ADAMTS18: variants seen among roughly 807,000 people sequenced by gnomAD.
ADAMTS18 encodes ADAM metallopeptidase with thrombospondin type 1 motif 18.
Under a neutral mutation model 165.9 loss-of-function variants are expected in ADAMTS18, and 157 were observed. The observed-to-expected ratio is 0.95, with a 90% CI of 0.83 to 1.08. ADAMTS18 has a LOEUF of 1.08. Among genes scored for constraint, ADAMTS18 ranks in the 50% least tolerant of loss-of-function variants. ADAMTS18 has a pLI of 0.00. For missense variants in ADAMTS18, 2,040 were observed against 1,534.0 expected (o/e 1.33, Z -5.51); for synonymous variants, 782 against 578.2 (o/e 1.35, Z -5.06).
intron 10 of ADAMTS18, among the ~76,000 whole-genome samples, chr16:77,343,276 G>A (rs568818487): frequency 7.8e-4 from 119 of 152,252 alleles, no homozygotes; most frequent in African/African-American, 2.7e-3. Context: ...GTTTCACCAC[G>A]TTGGCCAGGC....
At chr16:77,286,249 A>G (rs2055248499) in intron 22 of ADAMTS18, among the ~76,000 whole-genome samples, 2 of 152,152 alleles carry the variant, frequency 1.3e-5, no homozygotes, top group African/African-American at 4.8e-5. Flanking sequence ...GTGCTAAATA[A>G]TCAAGTGGTC....
At chr16:77,334,881 A>G (rs2056280710) in intron 12 of ADAMTS18, among the ~76,000 whole-genome samples, 4 of 135,126 alleles carry the variant, frequency 3.0e-5, no homozygotes, top group Non-Finnish European at 6.2e-5. Context: ...TATGCACTAT[A>G]TATTATAATA....
chr16:77,429,254 C>G (rs1215175308), intron 3 of ADAMTS18, among the ~76,000 whole-genome samples: 3 of 152,118 alleles, frequency 2.0e-5, no homozygotes, highest in African/African-American at 7.2e-5. Context: ...ACTATGCAAC[C>G]ATAAAAATAA....
In ADAMTS18 at chr16:77,431,370, C is replaced by A; in HGVS notation, c.420G>T (p.Val140=). 7 of 1,614,106 alleles carry A rather than the reference C, an allele frequency of 4.3e-6. No individual in the cohort carries two copies. The highest frequency in any genetic ancestry group is 5.9e-6 in the Non-Finnish European group (7 of 1,180,028). ...TAAATCCCTGATAGAAGCATTGCTG[C>A]ACCTCGGGTTTCTGAGTCTCTGAAG... is the stretch of plus-strand genomic sequence containing the variant. The part of the protein sequence containing the change: ...DGASETQKPE[V]QQCFYQGFIR... Residue 140 remains valine (V), a synonymous_variant, in exon 3 of 23, where the codon GTG becomes GTT. Coordinates refer to ENST00000282849, the MANE Select transcript of ADAMTS18 (RefSeq NM_199355.4).
intron 4 of ADAMTS18, among the ~76,000 whole-genome samples, chr16:77,364,908 C>T (rs561774117): frequency 1.3e-5 from 2 of 152,042 alleles, no homozygotes; most frequent in African/African-American, 4.8e-5. Flanking sequence ...GAGTTTGACA[C>T]CAGCCTGGCC....
rs1420195907 is a variant in ADAMTS18, at chr16:77,294,992, T to A, written c.2937A>T (p.Thr979=). The change falls in exon 19 of 23, where the codon ACA becomes ACT. Residue 979 remains threonine, a synonymous_variant. Coordinates refer to ENST00000282849, the MANE Select transcript of ADAMTS18 (RefSeq NM_199355.4). ...TGTTGCAGGCTTGGACCTGAGTGGG[T>A]GTGCTCACTGGACAGAGAGAATGCA... The part of the protein sequence containing the change: ...AVLHSLCPVS[T]PTQVQACNSH... 2.5e-6 allele frequency: 4 copies of A among 1,613,972 alleles called. No individual in the cohort carries two copies. The African/African-American group carries it at 5.3e-5, about 22-fold the overall frequency.
intron 3 of ADAMTS18, among the ~76,000 whole-genome samples, chr16:77,430,396 A>G (rs1376453287): frequency 1.3e-5 from 2 of 152,196 alleles, no homozygotes; most frequent in Non-Finnish European, 2.9e-5. Context: ...GGGAGTCCGC[A>G]TTCACCCGTA....
At chr16:77,382,647 A>G (rs1473046637) in intron 3 of ADAMTS18, among the ~76,000 whole-genome samples, 6 of 152,246 alleles carry the variant, frequency 3.9e-5, no homozygotes. Flanking sequence ...TCTTTCCTCC[A>G]TGCTTATGAA....
At chr16:77,292,523 T>C (rs2055383363) in intron 20 of ADAMTS18, among the ~76,000 whole-genome samples, 1 of 152,294 alleles carries the variant, frequency 6.6e-6, no homozygotes, top group African/African-American at 2.4e-5. Flanking sequence ...AGAAAGTCTC[T>C]TCTGACAAGG....
chr16:77,370,123 C>T (rs1381025674), intron 3 of ADAMTS18, among the ~76,000 whole-genome samples: 1 of 152,138 alleles, frequency 6.6e-6, no homozygotes, highest in African/African-American at 2.4e-5. Flanking sequence ...CAGCTAACAT[C>T]CTACAGAATG....
Position 77,293,238 on chromosome 16 carries a change from T to C in ADAMTS18, c.3027A>G (p.Arg1009=). ...PWSQCSKTCG[R]GVRKRELLCK... ...AGAGGAGTTCACGCTTCCTCACCCCTCGTCCACAGGTCTTGGAACACTTGA... is the reference window on the plus strand; with the variant it reads ...AGAGGAGTTCACGCTTCCTCACCCCCCGTCCACAGGTCTTGGAACACTTGA... The change falls in exon 20 of 23, where the codon CGA becomes CGG. Residue 1009 remains arginine, a synonymous_variant. Coordinates refer to ENST00000282849, the MANE Select transcript of ADAMTS18 (RefSeq NM_199355.4). 6.2e-7 allele frequency: 1 copy of C among 1,613,700 alleles called. No homozygotes were observed. The highest frequency in any genetic ancestry group is 1.7e-5 in the Admixed American group (1 of 59,960).
intron 10 of ADAMTS18, 55 bp downstream of exon 10, chr16:77,353,678 G>T: frequency 6.2e-7 from 1 of 1,610,762 alleles, no homozygotes; most frequent in Non-Finnish European, 8.5e-7. Flanking sequence ...TTCTGTTAGG[G>T]ACACAGACAC....
chr16:77,359,672 G>C (rs568146697), intron 7 of ADAMTS18, among the ~76,000 whole-genome samples: 1 of 152,010 alleles, frequency 6.6e-6, no homozygotes, highest in Non-Finnish European at 1.5e-5. Context: ...TAAGAGCCCT[G>C]TAAGGTCAGT....
At chr16:77,333,400 C>T (rs77524498) in intron 12 of ADAMTS18, among the ~76,000 whole-genome samples, 1,618 of 151,604 alleles carry the variant, frequency 0.011, 29 homozygotes, top group African/African-American at 0.037. Flanking sequence ...TGCAGCAAAC[C>T]ACCATGGCGC....
In ADAMTS18 at chr16:77,293,060, G is replaced by A. The variant is rs775166151; in HGVS notation, c.3189+16C>T. Reference sequence around the variant, plus strand: ...GGTCTCAATCTCCTGACCCAGCAGTGACTTCTAATCCATACCTCGCTCCAC... The same window carrying A: ...GGTCTCAATCTCCTGACCCAGCAGTAACTTCTAATCCATACCTCGCTCCAC... On this transcript the variant is annotated intron_variant, in intron 20 of 22. Coordinates refer to ENST00000282849, the MANE Select transcript of ADAMTS18 (RefSeq NM_199355.4). The A allele has an allele frequency of 6.2e-7, 1 of 1,613,874 alleles. No homozygotes were observed. The highest frequency in any genetic ancestry group is 8.5e-7 in the Non-Finnish European group (1 of 1,179,940).
At chr16:77,303,523 T>G (rs56662930) in intron 16 of ADAMTS18, among the ~76,000 whole-genome samples, 1 of 152,128 alleles carries the variant, frequency 6.6e-6, no homozygotes, top group African/African-American at 2.4e-5. Context: ...TCAGAAATGG[T>G]GTTACTTTAA....
chr16:77,355,973 G>A lies in ADAMTS18; in HGVS notation c.1427C>T (p.Ser476Phe). 4 of 1,614,066 alleles carry A rather than the reference G, an allele frequency of 2.5e-6. No homozygotes were observed. Among genetic ancestry groups the A allele is most frequent in the Non-Finnish European group, 3.4e-6 (4 of 1,179,974 alleles). The part of the protein sequence containing the change: ...TGNNGVFSWS[S>F]CSRQYLKKFL... ...TTTCTTGAGATACTGGCGGCTGCAG[G>A]AAGACCATGAAAACACTCCATTGTT... Residue 476 changes from serine (S) to phenylalanine (F), a missense_variant, in exon 9 of 23, where the codon TCC becomes TTC. Physicochemically the swap from Ser to Phe is radical, Grantham distance 155. Transcript: ENST00000282849.
intron 3 of ADAMTS18, among the ~76,000 whole-genome samples, chr16:77,428,284 G>C (rs1019065202): frequency 9.2e-5 from 14 of 152,078 alleles, no homozygotes; most frequent in African/African-American, 3.4e-4. Context: ...TTAAAGGCTT[G>C]TTCCTTTTCT....
At chr16:77,284,116 CCTTTTT>C in intron 22 of ADAMTS18, 45 bp from the exon 23 acceptor site, 2 of 1,343,192 alleles carry the variant, frequency 1.5e-6, no homozygotes, top group African/African-American at 1.5e-5. Context: ...GGGTGTCTAT[CCTTTTT>C]CTTTTTTTTT....
Sources: gnomAD v4.1 joint callset for allele counts (sites outside exome capture counted in the v4.1 genomes callset) on GRCh38, gnomAD v4.1.1 for gene constraint, MANE v1.5 for transcripts, NCBI Gene and HGNC (gene_info 2026-07-23, HGNC 2026-07-21) for gene names.